Variants in SUPT20H observed in about 807,000 individuals in gnomAD.
SUPT20H encodes SPT20 homolog, SAGA complex component, also known as transcription factor SPT20 homolog.
A neutral mutation model predicts 122.8 loss-of-function variants in SUPT20H; 82 were observed. The observed-to-expected ratio is 0.67, with a 90% confidence interval of 0.56 to 0.80. The LOEUF (loss-of-function observed/expected upper bound fraction) is 0.80. Among genes scored for constraint, SUPT20H ranks in the 30% least tolerant of loss-of-function variants. SUPT20H has a pLI of 0.00. For synonymous variants in SUPT20H, 291 were observed against 313.0 expected, an observed-to-expected ratio of 0.93 and a Z score of 0.74; for missense variants, 831 against 921.6, an observed-to-expected ratio of 0.90 and a Z score of 1.27.
chr13:37,020,884 T>C (rs1191840617), intron 21 of SUPT20H, among the ~76,000 whole-genome samples: 1 of 152,218 alleles, frequency 6.6e-6, no homozygotes, highest in East Asian at 1.9e-4. Context: ...AATAAAAGAA[T>C]GCTTATCATG....
intron 9 of SUPT20H, among the ~76,000 whole-genome samples, chr13:37,037,376 AC>A (rs1455622765): frequency 6.6e-6 from 1 of 152,182 alleles, no homozygotes; most frequent in Non-Finnish European, 1.5e-5. Flanking sequence ...AGACTAGGAA[AC>A]CAAAAAGTTC....
At chr13:37,034,223 T>C (rs1282675801) in intron 9 of SUPT20H, among the ~76,000 whole-genome samples, 1 of 152,132 alleles carries the variant, frequency 6.6e-6, no homozygotes, top group South Asian at 2.1e-4. Context: ...TTAAGCTTAG[T>C]GAGAAAGGCC....
At position 37,042,408 on chromosome 13, in the gene SUPT20H, A is replaced by C. The variant is rs566399300; in HGVS notation, c.396+1670T>G. On this transcript the variant is annotated intron_variant, in intron 7 of 25. Coordinates refer to ENST00000350612, the MANE Select transcript of SUPT20H (RefSeq NM_001014286.3). ...TTTAAAAACCCATGAAACTGGCTGA[A>C]ATCATTCAGGGAGAATATTACTAAA... 6.6e-5 allele frequency among the ~76,000 whole-genome samples: 10 copies of C among 152,322 alleles called. No homozygotes were observed. In the South Asian group the frequency reaches 2.1e-3, roughly 32 times the overall value.
chr13:37,026,377 A>T (rs544668193), intron 15 of SUPT20H, 141 bp from the exon 16 acceptor site: 29 of 520,290 alleles, frequency 5.6e-5, no homozygotes, highest in East Asian at 2.5e-4. Flanking sequence ...TATGAAAAAA[A>T]TTTTTTTAAT....
intron 14 of SUPT20H, among the ~76,000 whole-genome samples, chr13:37,027,227 C>T (rs926234154): frequency 1.3e-5 from 2 of 151,650 alleles, no homozygotes; most frequent in Admixed American, 6.6e-5. Flanking sequence ...ACACATACCC[C>T]TATATCTAAA....
intron 6 of SUPT20H, among the ~76,000 whole-genome samples, chr13:37,044,529 TG>T (rs1423467978): frequency 1.3e-5 from 2 of 152,180 alleles, no homozygotes; most frequent in Non-Finnish European, 2.9e-5. Flanking sequence ...AGGGACAATT[TG>T]GTGCCTTATC....
At chr13:37,054,228 A>C (rs1459741224) in intron 1 of SUPT20H, among the ~76,000 whole-genome samples, 2 of 152,342 alleles carry the variant, frequency 1.3e-5, no homozygotes, top group South Asian at 4.1e-4. Context: ...AAACTATTCC[A>C]ATCAATGGAA....
At chr13:37,034,719 A>G (rs1594264508) in intron 9 of SUPT20H, among the ~76,000 whole-genome samples, 1 of 152,246 alleles carries the variant, frequency 6.6e-6, no homozygotes, top group Admixed American at 6.5e-5. Context: ...TATTAGAAGA[A>G]TATGCCATCC....
intron 15 of SUPT20H, 144 bp downstream of exon 15, chr13:37,026,646 A>C: frequency 1.8e-6 from 1 of 552,044 alleles, no homozygotes; most frequent in Non-Finnish European, 3.1e-6. Context: ...ATTAATGTCT[A>C]CATAACAGAT....
At position 37,031,866 on chromosome 13, in the gene SUPT20H, A is replaced by G; in HGVS notation, c.737T>C (p.Leu246Pro). ...RCFKRYSRSS[L>P]NRQQDLSHCP... ...ATGAGATAGATCTTGCTGCCGATTCAGAGAGGATCTGGAATACCTCTTGAA... is the reference window on the plus strand; with the variant it reads ...ATGAGATAGATCTTGCTGCCGATTCGGAGAGGATCTGGAATACCTCTTGAA... Residue 246 changes from leucine (L) to proline (P), a missense_variant, in exon 11 of 26, where the codon CTG becomes CCG. Leu to Pro is a moderately conservative substitution (Grantham distance 98). Coordinates refer to ENST00000350612, the MANE Select transcript of SUPT20H (RefSeq NM_001014286.3). The G allele has an allele frequency of 6.2e-7, 1 of 1,602,502 alleles. No homozygotes were observed. Among genetic ancestry groups the G allele is most frequent in the Admixed American group, 1.8e-5 (1 of 56,878 alleles).
chr13:37,031,817 C>A lies in SUPT20H; in HGVS notation c.786G>T (p.Arg262Ser), dbSNP rs1360090195. 6.2e-7 allele frequency: 1 copy of A among 1,610,638 alleles called. No individual in the cohort carries two copies. The highest frequency in any genetic ancestry group is 1.7e-5 in the Admixed American group (1 of 59,430). Residue 262 changes from arginine (R) to serine (S), a missense_variant, in exon 11 of 26, where the codon AGG (arginine) becomes AGT (serine). Coordinates refer to ENST00000350612, the MANE Select transcript of SUPT20H (RefSeq NM_001014286.3). The stretch of plus-strand genomic sequence containing the variant: ...TTCTTTTTTGTAAGAAATCAAGTAA[C>A]CTCAGCTGAGGAGGAGGTGGACAAT... ...LSHCPPPPQLRLLDFLQKRKE... is the reference protein window; with the variant it reads ...LSHCPPPPQLSLLDFLQKRKE...
At chr13:37,029,652 T>C in intron 13 of SUPT20H, 113 bp downstream of exon 13, 1 of 846,764 alleles carries the variant, frequency 1.2e-6, no homozygotes, top group Non-Finnish European at 1.8e-6. Context: ...GAAACTAATT[T>C]AAAAAAGAAA....
intron 25 of SUPT20H, 89 bp from the exon 26 acceptor site, chr13:37,009,898 GA>G: frequency 1.3e-6 from 2 of 1,503,636 alleles, no homozygotes. Context: ...CAACACAACT[GA>G]AAAAGGGAGA....
intron 12 of SUPT20H, among the ~76,000 whole-genome samples, chr13:37,031,256 C>T (rs1424676888): frequency 2.0e-5 from 3 of 151,826 alleles, no homozygotes; most frequent in African/African-American, 2.4e-5. Flanking sequence ...AGAGATTTCA[C>T]GTGATTATGT....
At position 37,040,613 on chromosome 13, in the gene SUPT20H, T is replaced by A; in HGVS notation, c.476A>T (p.Tyr159Phe). The change falls in exon 8 of 26, where the codon TAC becomes TTC. Residue 159 changes from tyrosine to phenylalanine, a missense_variant. Physicochemically the swap from Tyr to Phe is conservative, Grantham distance 22 (BLOSUM62 3). Coordinates refer to ENST00000350612, the MANE Select transcript of SUPT20H (RefSeq NM_001014286.3). The stretch of plus-strand genomic sequence containing the variant: ...ACGTAAGAGAATGTGCCGACTTTGG[T>A]AACCAGGAGATTTCATGTTACTGGA... Reference protein sequence around the residue: ...RQSSNMKSPGYQSRHILLRPT... With the variant: ...RQSSNMKSPGFQSRHILLRPT... The A allele has an allele frequency of 6.2e-7, 1 of 1,614,152 alleles. No individual in the cohort carries two copies. Among genetic ancestry groups the A allele is most frequent in the Non-Finnish European group, 8.5e-7 (1 of 1,180,018 alleles).
At chr13:37,056,413 C>T (rs1181690747) in intron 1 of SUPT20H, among the ~76,000 whole-genome samples, 1 of 152,172 alleles carries the variant, frequency 6.6e-6, no homozygotes, top group Non-Finnish European at 1.5e-5. Flanking sequence ...GGCACATATA[C>T]ACCATGGAAT....
intron 13 of SUPT20H, among the ~76,000 whole-genome samples, chr13:37,029,177 A>G (rs1466928943): frequency 6.6e-6 from 1 of 152,182 alleles, no homozygotes; most frequent in Non-Finnish European, 1.5e-5. Flanking sequence ...ATTAGAAACA[A>G]AACAAATCAG....
At chr13:37,026,882 A>T in intron 14 of SUPT20H, 66 bp from the exon 15 acceptor site, 6 of 1,028,678 alleles carry the variant, frequency 5.8e-6, no homozygotes, top group Non-Finnish European at 8.1e-6. Flanking sequence ...ATAGTTTATT[A>T]AATAAAGTAT....
chr13:37,026,917 GAAGAT>G (rs2139735258), intron 14 of SUPT20H, 101 bp from the exon 15 acceptor site: 1 of 727,992 alleles, frequency 1.4e-6, no homozygotes, highest in Non-Finnish European at 2.0e-6. Flanking sequence ...AGAATGACTG[GAAGAT>G]AATAAATCAT....
Sources: gnomAD v4.1 joint callset for allele counts (sites outside exome capture counted in the v4.1 genomes callset) on GRCh38, gnomAD v4.1.1 for gene constraint, MANE v1.5 for transcripts, NCBI Gene and HGNC (gene_info 2026-07-23, HGNC 2026-07-21) for gene names.